TFDP2: variants seen among roughly 807,000 people sequenced by gnomAD.
TFDP2 encodes the protein transcription factor Dp-2.
Under a neutral mutation model 59.3 loss-of-function variants are expected in TFDP2, and 17 were observed. The ratio of observed to expected loss-of-function variants is 0.29; its 90% CI spans 0.20 to 0.43. The LOEUF is 0.43. Ranked by LOEUF, TFDP2 falls within the 20% of genes least tolerant of loss-of-function variation. The probability of loss-of-function intolerance (pLI) is 1.00; values close to 1 mark genes in which losing one functional copy is unlikely to be tolerated. For missense variants in TFDP2, 391 were observed against 528.8 expected, an observed-to-expected ratio of 0.74 and a Z score of 2.56; for synonymous variants, 180 against 194.7, an observed-to-expected ratio of 0.92 and a Z score of 0.63.
chr3:142,057,265 G>A (rs2059778160), intron 3 of TFDP2, among the ~76,000 whole-genome samples: 1 of 152,184 alleles, frequency 6.6e-6, no homozygotes, highest in Non-Finnish European at 1.5e-5. Flanking sequence ...AAACAAAACA[G>A]TAAGAACCTT....
At chr3:142,020,231 C>T (rs1174917207) in intron 3 of TFDP2, among the ~76,000 whole-genome samples, 1 of 152,012 alleles carries the variant, frequency 6.6e-6, no homozygotes, top group Admixed American at 6.6e-5. Flanking sequence ...TATCTATCAC[C>T]TGTATTTCAA....
At chr3:142,057,049 A>T (rs2059771137) in intron 3 of TFDP2, among the ~76,000 whole-genome samples, 1 of 152,234 alleles carries the variant, frequency 6.6e-6, no homozygotes, top group Non-Finnish European at 1.5e-5. Context: ...TGTGTTTCTT[A>T]TGAACAGGCC....
chr3:142,056,117 C>T (rs2059735740), intron 3 of TFDP2, among the ~76,000 whole-genome samples: 3 of 151,514 alleles, frequency 2.0e-5, no homozygotes, highest in Admixed American at 2.0e-4. Context: ...CCACATCCGG[C>T]TAATTTTTGT....
intron 3 of TFDP2, among the ~76,000 whole-genome samples, chr3:142,069,610 C>G (rs2060177232): frequency 7.0e-6 from 1 of 143,540 alleles, no homozygotes; most frequent in African/African-American, 2.5e-5. Flanking sequence ...TTTTCCTTTC[C>G]TTTTTTTTTT....
chr3:142,061,240 T>A (rs1053485859), intron 3 of TFDP2, among the ~76,000 whole-genome samples: 2 of 152,220 alleles, frequency 1.3e-5, no homozygotes, highest in Non-Finnish European at 2.9e-5. Context: ...CAACAACGTT[T>A]TAGCATAATT....
chr3:142,018,006 G>T (rs760798544), intron 3 of TFDP2, among the ~76,000 whole-genome samples: 1 of 150,374 alleles, frequency 6.7e-6, no homozygotes, highest in African/African-American at 2.4e-5. Context: ...GCAGTGGCAC[G>T]ATCTTGGTTT....
At chr3:142,107,743 T>G (rs955182085) in intron 1 of TFDP2, among the ~76,000 whole-genome samples, 2 of 152,158 alleles carry the variant, frequency 1.3e-5, no homozygotes, top group African/African-American at 4.8e-5. Context: ...CAAATTACAG[T>G]GCCAGAATAT....
chr3:141,991,300 A>G (rs1942736592), intron 6 of TFDP2, among the ~76,000 whole-genome samples: 1 of 152,232 alleles, frequency 6.6e-6, no homozygotes, highest in Non-Finnish European at 1.5e-5. Flanking sequence ...TATCTCAAGT[A>G]TAAATTGCAA....
At chr3:142,101,713 T>C in intron 2 of TFDP2, 22 bp downstream of exon 2, 1 of 1,352,714 alleles carries the variant, frequency 7.4e-7, no homozygotes, top group South Asian at 1.6e-5. Context: ...ATACTTACAT[T>C]AAAAAATTTA....
intron 11 of TFDP2, among the ~76,000 whole-genome samples, chr3:141,957,678 T>C (rs1559916472): frequency 6.6e-6 from 1 of 152,178 alleles, no homozygotes; most frequent in Admixed American, 6.5e-5. Context: ...TGAACGAACC[T>C]TGAAACACTA....
chr3:142,005,682 C>A, intron 3 of TFDP2, 138 bp from the exon 4 acceptor site: 1 of 539,078 alleles, frequency 1.9e-6, no homozygotes, highest in Non-Finnish European at 3.2e-6. Context: ...GAACAAAATA[C>A]ACCTTACTGA....
At chr3:142,053,345 A>G (rs1947741234) in intron 3 of TFDP2, among the ~76,000 whole-genome samples, 1 of 151,816 alleles carries the variant, frequency 6.6e-6, no homozygotes, top group Non-Finnish European at 1.5e-5. Context: ...GTTGTTTAAA[A>G]CAGTATGGCA....
chr3:142,121,704 T>C lies in TFDP2; in HGVS notation c.-92-19863A>G, dbSNP rs1239060490. On this transcript the variant is annotated intron_variant, in intron 1 of 12. Coordinates refer to ENST00000489671, the MANE Select transcript of TFDP2 (RefSeq NM_001178139.2). The surrounding 1 kb of genome is among the most constrained non-coding windows in gnomAD (Gnocchi z 4.3). ...GAAGACTCTTTCAAGGAGTAGCATA[T>C]GATTAGGATATGAAGTTTAAAAAAG... Among the ~76,000 whole-genome samples the C allele has an allele frequency of 6.6e-6, 1 of 152,060 alleles. No individual in the cohort carries two copies. The highest frequency in any genetic ancestry group is 6.6e-5 in the Admixed American group (1 of 15,254).
rs1343455967 is a variant in TFDP2, at chr3:142,107,776, A to C, written c.-92-5935T>G. Among the ~76,000 whole-genome samples the C allele has an allele frequency of 4.6e-5, 7 of 152,200 alleles. No individual in the cohort carries two copies. The East Asian group carries it at 7.7e-4, about 17-fold the overall frequency. Reference sequence around the variant, plus strand: ...TATGAACTCAGGATCTCACACCAGCAAAAGTGTTCTTAACTACTATAATAC... The same window carrying C: ...TATGAACTCAGGATCTCACACCAGCCAAAGTGTTCTTAACTACTATAATAC... On this transcript the variant is annotated intron_variant, in intron 1 of 12. Coordinates refer to ENST00000489671, the MANE Select transcript of TFDP2 (RefSeq NM_001178139.2).
chr3:142,130,821 G>A (rs1036835195), intron 1 of TFDP2, among the ~76,000 whole-genome samples: 16 of 152,128 alleles, frequency 1.1e-4, no homozygotes, highest in Non-Finnish European at 1.5e-4. Flanking sequence ...GGAGGCCGAA[G>A]GGGATGGCTC....
At chr3:141,997,849 C>CAAAAAAAAAAAA (rs3058569) in intron 4 of TFDP2, among the ~76,000 whole-genome samples, 13 of 83,994 alleles carry the variant, frequency 1.5e-4, no homozygotes, top group Non-Finnish European at 2.7e-4. Flanking sequence ...GACTCCATCT[C>CAAAAAAAAAAAA]AAAAAAAAAA....
intron 1 of TFDP2, among the ~76,000 whole-genome samples, chr3:142,131,050 T>C (rs2062486090): frequency 7.9e-6 from 1 of 126,150 alleles, no homozygotes; most frequent in Non-Finnish European, 1.6e-5. Flanking sequence ...CGAAACTACG[T>C]CTCAAAAAAA....
intron 1 of TFDP2, among the ~76,000 whole-genome samples, chr3:142,118,693 G>A (rs537901912): frequency 6.0e-4 from 91 of 151,708 alleles, no homozygotes; most frequent in Non-Finnish European, 9.0e-4. Context: ...CAGACTGAAC[G>A]AAAACTTAAT....
chr3:141,948,623 C>G lies in TFDP2; in HGVS notation c.*3890G>C, dbSNP rs1183295693. The G allele has an allele frequency of 6.6e-6, 1 of 151,688 alleles. No homozygotes were observed. Among genetic ancestry groups the G allele is most frequent in the Admixed American group, 6.6e-5 (1 of 15,212 alleles). 9.4% of individuals were successfully genotyped at this position (151,688 alleles called of 1,614,324 possible). On this transcript the variant is annotated 3_prime_UTR_variant, in exon 13 of 13. Coordinates refer to ENST00000489671, the MANE Select transcript of TFDP2 (RefSeq NM_001178139.2). ...TATGGCAGGAATAGCTGAGGTAGTT[C>G]TCATTCTCTGCTAATCCACACTCCC...
Sources: allele counts gnomAD v4.1 joint callset (sites outside exome capture counted in the v4.1 genomes callset), GRCh38; gene constraint gnomAD v4.1.1; non-coding constraint Gnocchi (gnomAD v3.1); transcripts MANE v1.5; gene names NCBI Gene and HGNC (gene_info 2026-07-23, HGNC 2026-07-21).